The following PAM variants were observed in gnomAD, a reference collection of about 807,000 sequenced individuals.
The protein encoded by PAM is peptidyl-glycine alpha-amidating monooxygenase.
In PAM, 72 loss-of-function variants were observed where a neutral mutation model predicts 122.1. The observed-to-expected ratio is 0.59, with a 90% confidence interval of 0.49 to 0.72. The LOEUF is 0.72. Ranked by LOEUF, PAM falls within the 30% of genes least tolerant of loss-of-function variation. PAM has a pLI of 0.00. For missense variants in PAM, 1,106 were observed against 1,183.7 expected (o/e 0.93, Z 0.96); for synonymous variants, 389 against 404.4 (o/e 0.96, Z 0.46).
chr5:102,773,354 C>A (rs1756304502), intron 1 of PAM, among the ~76,000 whole-genome samples: 1 of 152,070 alleles, frequency 6.6e-6, no homozygotes, highest in Admixed American at 6.6e-5. Flanking sequence ...GCATACTTTT[C>A]CTGTAAAGGA....
At chr5:102,914,462 T>A (rs1369156803) in intron 5 of PAM, among the ~76,000 whole-genome samples, 1 of 152,096 alleles carries the variant, frequency 6.6e-6, no homozygotes, top group Non-Finnish European at 1.5e-5. Flanking sequence ...TATATTGTTA[T>A]ACAGTATATG....
intron 7 of PAM, 55 bp downstream of exon 7, chr5:102,926,723 A>G: frequency 1.2e-6 from 1 of 867,714 alleles, no homozygotes; most frequent in South Asian, 1.4e-5. Context: ...ATTGTTTAAA[A>G]TACATGCACA....
At chr5:102,891,174 C>T (rs1581390272) in intron 3 of PAM, among the ~76,000 whole-genome samples, 1 of 151,982 alleles carries the variant, frequency 6.6e-6, no homozygotes, top group South Asian at 2.1e-4. Context: ...AACTAACATT[C>T]ACTGCATACC....
chr5:103,000,024 T>C (rs1377715158), intron 16 of PAM, among the ~76,000 whole-genome samples: 1 of 152,248 alleles, frequency 6.6e-6, no homozygotes, highest in African/African-American at 2.4e-5. Context: ...TTTTCTTTTC[T>C]ATCACATCAT....
intron 3 of PAM, among the ~76,000 whole-genome samples, chr5:102,868,466 C>T (rs1282140660): frequency 6.6e-6 from 1 of 152,174 alleles, no homozygotes; most frequent in Admixed American, 6.6e-5. Context: ...ACTTCCTCCT[C>T]ATCCCCAAAT....
intron 16 of PAM, among the ~76,000 whole-genome samples, chr5:103,000,930 T>C (rs1235269573): frequency 6.6e-6 from 1 of 152,094 alleles, no homozygotes; most frequent in Non-Finnish European, 1.5e-5. Flanking sequence ...ATGTAAAGTC[T>C]CAGTACTCTA....
intron 3 of PAM, among the ~76,000 whole-genome samples, chr5:102,898,655 A>G (rs1012213760): frequency 1.3e-5 from 2 of 151,648 alleles, no homozygotes; most frequent in Non-Finnish European, 3.0e-5. Context: ...CTCAGGTGCT[A>G]TTGAAAATGT....
intron 14 of PAM, among the ~76,000 whole-genome samples, chr5:102,968,964 C>A (rs1173364914): frequency 2.0e-5 from 3 of 152,110 alleles, no homozygotes; most frequent in African/African-American, 7.2e-5. Flanking sequence ...CTGGAAATAT[C>A]ATTCTCAGCA....
chr5:102,785,619 G>A (rs1288779516), intron 1 of PAM, among the ~76,000 whole-genome samples: 1 of 152,136 alleles, frequency 6.6e-6, no homozygotes, highest in Non-Finnish European at 1.5e-5. Flanking sequence ...AAGAGGTTGA[G>A]GGAGAGAGTG....
At chr5:102,757,144 G>A (rs1459427556) in intron 1 of PAM, among the ~76,000 whole-genome samples, 1 of 152,066 alleles carries the variant, frequency 6.6e-6, no homozygotes. Context: ...TGGCCGACAT[G>A]GTGAAATCCC....
rs767088116 is a variant in PAM, at chr5:102,779,886, C to CATATATATAT, written c.-374+24562_-374+24571dup. On this transcript the variant is annotated intron_variant, in intron 1 of 25. Coordinates refer to ENST00000438793, the MANE Select transcript of PAM (RefSeq NM_001177306.2). ...TTAATACTTAATAAACTCCCATATA[C>CATATATATAT]ATATATATATATATATATATATATA... Among the ~76,000 whole-genome samples, 474 of 80,942 alleles carry CATATATATAT rather than the reference C, an allele frequency of 5.9e-3. 6 individuals are homozygous for CATATATATAT. The highest frequency in any genetic ancestry group is 0.012 in the East Asian group (29 of 2,438). 53.1% of individuals were successfully genotyped at this position (80,942 alleles called of 152,430 possible). A position where few individuals can be genotyped will look rare whatever the true frequency, so the allele number is the denominator to read the frequency against.
chr5:102,794,707 A>G (rs1044790375), intron 1 of PAM, among the ~76,000 whole-genome samples: 70 of 152,330 alleles, frequency 4.6e-4, no homozygotes, highest in African/African-American at 1.7e-3. Context: ...TAGAACATTT[A>G]CATGTGGCTA....
intron 21 of PAM, among the ~76,000 whole-genome samples, chr5:103,011,536 G>C (rs1582887592): frequency 6.6e-6 from 1 of 152,174 alleles, no homozygotes; most frequent in East Asian, 1.9e-4. Flanking sequence ...TTCTGTGCCT[G>C]GCTTATTTCA....
Position 103,028,994 on chromosome 5 carries a change from G to A in PAM, c.2851G>A (p.Glu951Lys), listed in dbSNP as rs558977904. The A allele has an allele frequency of 1.9e-6, 3 of 1,613,850 alleles. No homozygotes were observed. The highest frequency in any genetic ancestry group is 2.2e-5 in the East Asian group (1 of 44,856). ...CACTGAGGGCAGTGACCAAGAGAAAGAGGATGATGGAAGTGAATCAGAAGA... is the reference window on the plus strand; with the variant it reads ...CACTGAGGGCAGTGACCAAGAGAAAAAGGATGATGGAAGTGAATCAGAAGA... ...LSTEGSDQEKEDDGSESEEEY... is the reference protein window; with the variant it reads ...LSTEGSDQEKKDDGSESEEEY... Residue 951 changes from glutamate (E) to lysine (K), a missense_variant, in exon 26 of 26, where the codon GAG becomes AAG. Transcript: ENST00000438793.
intron 5 of PAM, 128 bp downstream of exon 5, chr5:102,914,149 T>C: frequency 1.6e-6 from 1 of 626,654 alleles, no homozygotes; most frequent in East Asian, 2.8e-5. Flanking sequence ...AAGAACATTG[T>C]TCATTGTCAT....
chr5:102,850,964 CAT>C (rs1015673771), intron 1 of PAM, among the ~76,000 whole-genome samples: 2 of 152,046 alleles, frequency 1.3e-5, no homozygotes, highest in African/African-American at 4.8e-5. Flanking sequence ...ACAGGAAACT[CAT>C]ATTGGTAGGT....
At chr5:102,828,418 T>C (rs1428223721) in intron 1 of PAM, among the ~76,000 whole-genome samples, 1 of 152,132 alleles carries the variant, frequency 6.6e-6, no homozygotes, top group African/African-American at 2.4e-5. Flanking sequence ...ATTTACTTCA[T>C]CTTGATGGCT....
At chr5:102,759,188 T>C (rs1207528797) in intron 1 of PAM, among the ~76,000 whole-genome samples, 1 of 152,196 alleles carries the variant, frequency 6.6e-6, no homozygotes, top group Non-Finnish European at 1.5e-5. Context: ...CCTCAGAAGA[T>C]AGGATAGCAG....
intron 9 of PAM, 35 bp from the exon 10 acceptor site, chr5:102,949,502 A>C: frequency 1.0e-6 from 1 of 993,278 alleles, no homozygotes; most frequent in Non-Finnish European, 1.6e-6. Context: ...TTCCAGTTGA[A>C]TAGTGACTTT....
Sources: gnomAD v4.1 joint callset for allele counts (sites outside exome capture counted in the v4.1 genomes callset) on GRCh38, gnomAD v4.1.1 for gene constraint, MANE v1.5 for transcripts, NCBI Gene and HGNC (gene_info 2026-07-23, HGNC 2026-07-21) for gene names.